PRMT8: variants seen among roughly 807,000 people sequenced by gnomAD.
The protein encoded by PRMT8 is protein arginine N-methyltransferase 8.
A neutral mutation model predicts 47.1 loss-of-function variants in PRMT8; 7 were observed. The ratio of observed to expected loss-of-function variants is 0.15; its 90% confidence interval spans 0.08 to 0.28. The LOEUF is 0.28. PRMT8 is among the 10% of genes least tolerant of loss of function. PRMT8 has a pLI of 1.00. For missense variants in PRMT8, 237 were observed against 505.4 expected, an observed-to-expected ratio of 0.47 and a Z score of 5.09; for synonymous variants, 188 against 186.5, an observed-to-expected ratio of 1.01 and a Z score of -0.07.
At position 3,566,104 on chromosome 12, in the gene PRMT8, G is replaced by C. The variant is rs1866716889; in HGVS notation, c.482-2602G>C. Among the ~76,000 whole-genome samples, 1 of 152,108 alleles carries C rather than the reference G, an allele frequency of 6.6e-6. No individual in the cohort carries two copies. The highest frequency in any genetic ancestry group is 1.5e-5 in the Non-Finnish European group (1 of 68,028). ...AAACGTGCAAAGAAAAAAAAGTAAG[G>C]GAGGCCATTAAAGACAATTTTTAAG... On this transcript the variant is annotated intron_variant, in intron 4 of 9. Transcript: ENST00000382622. This position sits in a 1 kb window ranked among gnomAD's most constrained non-coding sequence, Gnocchi z 4.7.
rs779669889 is a variant in PRMT8 at position 3,381,428 on chromosome 12, A to T, written c.34A>T (p.Lys12Ter). 5.2e-6 allele frequency: 8 copies of T among 1,536,130 alleles called. No individual in the cohort carries two copies. The Middle Eastern group carries it at 5.0e-4, about 96-fold the overall frequency. The change falls in exon 1 of 10, where the codon AAA becomes TAA. Residue 12 changes from lysine to a stop codon, truncating the protein, a stop_gained. Coordinates refer to the PRMT8 transcript ENST00000452611. LOFTEE classifies it high-confidence loss of function. ...TCTGGCTTCAGATGGATTCAAGCTG[A>T]AAGAGGTTTCTTCTGTAAGTCAGCT...
chr12:3,385,997 T>C (rs191607248), intron 1 of PRMT8, among the ~76,000 whole-genome samples: 1 of 152,268 alleles, frequency 6.6e-6, no homozygotes, highest in East Asian at 1.9e-4. Context: ...ATGACTCTTC[T>C]ATATTTGACA....
intron 1 of PRMT8, among the ~76,000 whole-genome samples, chr12:3,470,608 A>G (rs976884040): frequency 5.9e-5 from 9 of 151,502 alleles, no homozygotes; most frequent in Non-Finnish European, 1.2e-4. Flanking sequence ...GGTGTGGGGA[A>G]ACCTCCTTCC....
At chr12:3,520,985 G>C (rs1455219921) in intron 1 of PRMT8, among the ~76,000 whole-genome samples, 5 of 152,234 alleles carry the variant, frequency 3.3e-5, no homozygotes, top group African/African-American at 1.2e-4. Context: ...AAACACTATA[G>C]AAGCTTTAGG....
Position 3,550,291 on chromosome 12 carries a change from T to C in PRMT8, c.417+200T>C, listed in dbSNP as rs893833777. On this transcript the variant is annotated intron_variant, in intron 3 of 9. Transcript: ENST00000382622. This position sits in a 1 kb window ranked among gnomAD's most constrained non-coding sequence, Gnocchi z 5.1. ...TCCCCTGTGCATGGCTCCTGGATCC[T>C]TACAACCACTGACATTTGCGGAGGA... 2 of 573,760 alleles carry C rather than the reference T, an allele frequency of 3.5e-6. No homozygotes were observed. Among genetic ancestry groups the C allele is most frequent in the Non-Finnish European group, 6.1e-6 (2 of 329,832 alleles). The allele number at this position is 573,760 out of a possible 1,614,324, so 35.5% of individuals were successfully genotyped here.
intron 3 of PRMT8, chr12:3,553,140 G>A (rs1866456154): frequency 4.9e-6 from 1 of 203,110 alleles, no homozygotes; most frequent in Non-Finnish European, 1.0e-5. Flanking sequence ...CGTGGGGGGT[G>A]GGAGGGGAAG....
chr12:3,406,182 C>A (rs1864371206), intron 1 of PRMT8, among the ~76,000 whole-genome samples: 1 of 152,244 alleles, frequency 6.6e-6, no homozygotes, highest in Non-Finnish European at 1.5e-5. Flanking sequence ...TGTACTTTGG[C>A]CCCTTTTAGC....
intron 1 of PRMT8, among the ~76,000 whole-genome samples, chr12:3,465,206 TTATATATATTTTATAAATATAAAA>T (rs1446063103): frequency 6.9e-6 from 1 of 144,254 alleles, no homozygotes; most frequent in African/African-American, 2.5e-5. Flanking sequence ...AAATATATTT[TTATATATATTTTATAAATATAAAA>T]TATATATATT....
intron 2 of PRMT8, among the ~76,000 whole-genome samples, chr12:3,548,975 C>A (rs895994103): frequency 3.9e-5 from 6 of 152,232 alleles, no homozygotes; most frequent in Admixed American, 6.5e-5. Flanking sequence ...ACAACAACAA[C>A]AACAAAAGAA....
chr12:3,411,621 C>T (rs1864431940), intron 1 of PRMT8, among the ~76,000 whole-genome samples: 1 of 152,090 alleles, frequency 6.6e-6, no homozygotes, highest in Non-Finnish European at 1.5e-5. Context: ...AAACTTGATC[C>T]CTGAATTCAC....
Position 3,552,653 on chromosome 12 carries a change from C to A in PRMT8, c.418-998C>A, listed in dbSNP as rs982175602. ...CTGGGACCTGCACCCTGGCTGGAGTCGGCCTCCTTGGATGCAGCTCTAACC... is the reference window on the plus strand; with the variant it reads ...CTGGGACCTGCACCCTGGCTGGAGTAGGCCTCCTTGGATGCAGCTCTAACC... On this transcript the variant is annotated intron_variant, in intron 3 of 9. Coordinates refer to ENST00000382622, the MANE Select transcript of PRMT8 (RefSeq NM_019854.5). The surrounding 1 kb of genome is among the most constrained non-coding windows in gnomAD (Gnocchi z 4.5). 4.5e-6 allele frequency: 2 copies of A among 444,794 alleles called. No individual in the cohort carries two copies. Among genetic ancestry groups the A allele is most frequent in the African/African-American group, 2.0e-5 (1 of 49,856 alleles). The allele number at this position is 444,794 out of a possible 1,614,324, so 27.6% of individuals were successfully genotyped here.
intron 1 of PRMT8, among the ~76,000 whole-genome samples, chr12:3,536,493 T>C (rs1046373973): frequency 6.6e-6 from 1 of 152,248 alleles, no homozygotes; most frequent in African/African-American, 2.4e-5. Flanking sequence ...TGACAGCTTA[T>C]GGGTGCTGGA....
At chr12:3,470,550 T>A (rs1255686183) in intron 1 of PRMT8, among the ~76,000 whole-genome samples, 49 of 152,110 alleles carry the variant, frequency 3.2e-4, no homozygotes, top group Non-Finnish European at 4.6e-4. Flanking sequence ...AAGCCGTTGC[T>A]GGCGTGGTTC....
At position 3,550,441 on chromosome 12, in the gene PRMT8, A is replaced by T. The variant is rs1866396002; in HGVS notation, c.417+350A>T. On this transcript the variant is annotated intron_variant, in intron 3 of 9. Transcript: ENST00000382622. This position sits in a 1 kb window ranked among gnomAD's most constrained non-coding sequence, Gnocchi z 5.1. ...CTCTGGTTTGAATCTCTGCATTTCC[A>T]TTCACTAGGCATGTGACCTTGGACT... is the stretch of plus-strand genomic sequence containing the variant. 3.9e-6 allele frequency: 1 copy of T among 258,488 alleles called. No individual in the cohort carries two copies. Among genetic ancestry groups the T allele is most frequent in the African/African-American group, 2.1e-5 (1 of 46,858 alleles). The allele number at this position is 258,488 out of a possible 1,614,324, so 16.0% of individuals were successfully genotyped here.
chr12:3,568,046 T>TG (rs1373564599), intron 4 of PRMT8, among the ~76,000 whole-genome samples: 3 of 146,652 alleles, frequency 2.0e-5, no homozygotes, highest in Admixed American at 7.0e-5. Flanking sequence ...CACTCCAGCC[T>TG]GGGCAACAAG....
upstream of PRMT8, among the ~76,000 whole-genome samples, chr12:3,488,246 G>A (rs1865340520): frequency 6.6e-6 from 1 of 152,120 alleles, no homozygotes; most frequent in Non-Finnish European, 1.5e-5. Flanking sequence ...CTTAGCAAGT[G>A]TTCTATAAAA....
intron 1 of PRMT8, among the ~76,000 whole-genome samples, chr12:3,390,856 C>T (rs1444612603): frequency 6.6e-6 from 1 of 152,204 alleles, no homozygotes; most frequent in Non-Finnish European, 1.5e-5. Context: ...ACCACTGAGC[C>T]TCCGGAGCCT....
chr12:3,393,459 A>G (rs1864215871), intron 1 of PRMT8, among the ~76,000 whole-genome samples: 1 of 151,654 alleles, frequency 6.6e-6, no homozygotes, highest in Non-Finnish European at 1.5e-5. Context: ...AGCACCATTT[A>G]TTAAATAGGG....
chr12:3,412,105 G>T (rs147518382), intron 1 of PRMT8, among the ~76,000 whole-genome samples: 1 of 152,184 alleles, frequency 6.6e-6, no homozygotes, highest in Admixed American at 6.5e-5. Flanking sequence ...AAACCTAGAT[G>T]CTATAACCGA....
Sources: allele counts gnomAD v4.1 joint callset (sites outside exome capture counted in the v4.1 genomes callset), GRCh38; gene constraint gnomAD v4.1.1; non-coding constraint Gnocchi (gnomAD v3.1); transcripts MANE v1.5; gene names NCBI Gene and HGNC (gene_info 2026-07-23, HGNC 2026-07-21).